The following CTNNA3 variants were observed in gnomAD, a reference collection of about 807,000 sequenced individuals.
CTNNA3 encodes the protein catenin alpha-3.
Under a neutral mutation model 95.7 loss-of-function variants are expected in CTNNA3, and 76 were observed. The observed-to-expected ratio is 0.79, with a 90% confidence interval of 0.66 to 0.96. The LOEUF (loss-of-function observed/expected upper bound fraction) is 0.96. Among genes scored for constraint, CTNNA3 ranks in the 40% least tolerant of loss-of-function variants. CTNNA3 has a pLI of 0.00. For missense variants in CTNNA3, 1,191 were observed against 1,089.8 expected, an observed-to-expected ratio of 1.09 and a Z score of -1.31; for synonymous variants, 431 against 374.4, an observed-to-expected ratio of 1.15 and a Z score of -1.74.
chr10:66,980,495 T>C (rs1850358200), intron 7 of CTNNA3, among the ~76,000 whole-genome samples: 1 of 127,698 alleles, frequency 7.8e-6, no homozygotes. Context: ...ACCAAAACTA[T>C]TGAGACCTTC....
At chr10:67,047,226 G>C (rs1854809922) in intron 7 of CTNNA3, among the ~76,000 whole-genome samples, 1 of 152,116 alleles carries the variant, frequency 6.6e-6, no homozygotes, top group Non-Finnish European at 1.5e-5. Flanking sequence ...TATGGGAGTG[G>C]TGGAGTCTCT....
intron 7 of CTNNA3, among the ~76,000 whole-genome samples, chr10:67,004,996 G>A (rs184668289): frequency 5.0e-4 from 76 of 152,214 alleles, no homozygotes; most frequent in Admixed American, 3.7e-3. Context: ...CTATTTACTC[G>A]CCAAACCCTC....
chr10:67,328,021 C>T (rs918443584), intron 5 of CTNNA3, among the ~76,000 whole-genome samples: 1 of 152,080 alleles, frequency 6.6e-6, no homozygotes, highest in Non-Finnish European at 1.5e-5. Context: ...GCAGGGCTGG[C>T]TGACTCTGTG....
At chr10:66,171,309 T>G (rs2085416061) in intron 13 of CTNNA3, among the ~76,000 whole-genome samples, 2 of 151,552 alleles carry the variant, frequency 1.3e-5, no homozygotes, top group Admixed American at 1.3e-4. Flanking sequence ...GCACAGTGGC[T>G]CACACCTGTA....
rs1194191537 is a variant in CTNNA3 at position 66,619,515 on chromosome 10, C to G, written c.1374+2177G>C. Among the ~76,000 whole-genome samples, 13 of 96,418 alleles carry G rather than the reference C, an allele frequency of 1.3e-4. 2 individuals carry two copies. Among genetic ancestry groups the G allele is most frequent in the Admixed American group, 6.4e-4 (4 of 6,254 alleles). 63.3% of individuals were successfully genotyped at this position (96,418 alleles called of 152,430 possible). Reference sequence around the variant, plus strand: ...CTCACAGGTGGGAATTGAACAATGACAACACATGGACACAGGAAGGGGAAC... The same window carrying G: ...CTCACAGGTGGGAATTGAACAATGAGAACACATGGACACAGGAAGGGGAAC... On this transcript the variant is annotated intron_variant, in intron 10 of 17. Coordinates refer to ENST00000433211, the MANE Select transcript of CTNNA3 (RefSeq NM_013266.4).
intron 5 of CTNNA3, among the ~76,000 whole-genome samples, chr10:67,305,233 G>C (rs546245807): frequency 1.3e-5 from 2 of 152,048 alleles, no homozygotes; most frequent in Non-Finnish European, 2.9e-5. Context: ...CCGAGATCGC[G>C]CCACTGCACT....
intron 12 of CTNNA3, among the ~76,000 whole-genome samples, chr10:66,304,964 A>C (rs10997049): frequency 0.057 from 8,731 of 152,138 alleles, 503 homozygotes; most frequent in African/African-American, 0.15. Flanking sequence ...CAAAACAAAA[A>C]ATTTCAGTCA....
At chr10:67,387,348 T>G (rs1392266346) in intron 5 of CTNNA3, among the ~76,000 whole-genome samples, 1 of 152,004 alleles carries the variant, frequency 6.6e-6, no homozygotes, top group Non-Finnish European at 1.5e-5. Flanking sequence ...GCGCTTTTCC[T>G]AGGGGCTTAA....
In CTNNA3 at chr10:66,951,832, G is replaced by A. The variant is rs181416995; in HGVS notation, c.1048-176308C>T. ...GAGGTAGGGGATGCATACAGAGATA[G>A]GCTCATCTCACCTGGCCTGATTAAG... On this transcript the variant is annotated intron_variant, in intron 7 of 17. Coordinates refer to ENST00000433211, the MANE Select transcript of CTNNA3 (RefSeq NM_013266.4). Among the ~76,000 whole-genome samples, 3 of 152,284 alleles carry A rather than the reference G, an allele frequency of 2.0e-5. No homozygotes were observed. The East Asian group carries it at 5.8e-4, about 29-fold the overall frequency.
intron 5 of CTNNA3, among the ~76,000 whole-genome samples, chr10:67,382,643 G>A (rs1843991556): frequency 6.6e-6 from 1 of 152,096 alleles, no homozygotes; most frequent in African/African-American, 2.4e-5. Flanking sequence ...ATGCCTCCCT[G>A]TGTTGGTCCA....
chr10:67,750,809 T>C (rs1841402937), intron 1 of CTNNA3: 1 of 1,609,942 alleles, frequency 6.2e-7, no homozygotes, highest in East Asian at 2.2e-5. Context: ...AAACCTGGAC[T>C]GAAATATAAA....
chr10:67,212,199 C>T (rs1333366080), intron 6 of CTNNA3, among the ~76,000 whole-genome samples: 1 of 151,894 alleles, frequency 6.6e-6, no homozygotes, highest in East Asian at 1.9e-4. Flanking sequence ...AATAATATAA[C>T]ACACATTCAT....
chr10:67,455,403 C>G (rs1847135441), intron 5 of CTNNA3, among the ~76,000 whole-genome samples: 1 of 152,080 alleles, frequency 6.6e-6, no homozygotes, highest in African/African-American at 2.4e-5. Context: ...TACAGATACT[C>G]CCCCTCCAGG....
intron 7 of CTNNA3, among the ~76,000 whole-genome samples, chr10:67,041,103 A>T (rs1035909014): frequency 6.6e-6 from 1 of 152,078 alleles, no homozygotes; most frequent in African/African-American, 2.4e-5. Flanking sequence ...GTCCATAGAG[A>T]TGCCAAGGTA....
intron 5 of CTNNA3, among the ~76,000 whole-genome samples, chr10:67,292,376 T>A (rs889510847): frequency 1.3e-5 from 2 of 152,228 alleles, no homozygotes; most frequent in Admixed American, 1.3e-4. Flanking sequence ...AGCTTTCACT[T>A]CTGAGACCTT....
chr10:66,980,576 G>C (rs1233105722), intron 7 of CTNNA3, among the ~76,000 whole-genome samples: 1 of 142,032 alleles, frequency 7.0e-6, no homozygotes, highest in Non-Finnish European at 1.6e-5. Context: ...ACCCACCTGT[G>C]ATTAAATGAG....
intron 12 of CTNNA3, among the ~76,000 whole-genome samples, chr10:66,342,257 C>A (rs182786237): frequency 1.3e-5 from 2 of 151,922 alleles, no homozygotes; most frequent in African/African-American, 4.8e-5. Flanking sequence ...ACGCTGGGAT[C>A]ATGTCATCAT....
chr10:67,684,987 C>G (rs746366026), intron 1 of CTNNA3, among the ~76,000 whole-genome samples: 12 of 152,140 alleles, frequency 7.9e-5, no homozygotes, highest in Non-Finnish European at 1.8e-4. Context: ...AACACTCTTC[C>G]GCTAAGAAGG....
At chr10:66,326,791 T>TG (rs757892628) in intron 12 of CTNNA3, among the ~76,000 whole-genome samples, 1 of 152,044 alleles carries the variant, frequency 6.6e-6, no homozygotes, top group Non-Finnish European at 1.5e-5. Flanking sequence ...TCTTCCTCTT[T>TG]GGGGGGTAAC....
Sources: allele counts gnomAD v4.1 joint callset (sites outside exome capture counted in the v4.1 genomes callset), GRCh38; gene constraint gnomAD v4.1.1; transcripts MANE v1.5; gene names NCBI Gene and HGNC (gene_info 2026-07-23, HGNC 2026-07-21).